The following PRSS23 variants were observed in gnomAD, a reference collection of about 807,000 sequenced individuals.
PRSS23 encodes serine protease 23.
PRSS23 carries 25 observed loss-of-function variants against 34.7 expected under a neutral mutation model. The observed-to-expected ratio is 0.72, with a 90% CI of 0.53 to 1.01. PRSS23 has a LOEUF of 1.01. Ranked by LOEUF, PRSS23 falls within the 50% of genes least tolerant of loss-of-function variation. The pLI is 0.00. For missense variants in PRSS23, 445 were observed against 475.6 expected (o/e 0.94, Z 0.60); for synonymous variants, 176 against 186.6 (o/e 0.94, Z 0.46).
At chr11:86,826,875 T>TGATAA (rs1948305681) in intron 2 of PRSS23, among the ~76,000 whole-genome samples, 1 of 152,218 alleles carries the variant, frequency 6.6e-6, no homozygotes, top group Admixed American at 6.5e-5. Flanking sequence ...CTTTTTGATG[T>TGATAA]GCTGCTGGAT....
At chr11:86,822,167 G>T (rs905547316) in intron 1 of PRSS23, among the ~76,000 whole-genome samples, 3 of 152,020 alleles carry the variant, frequency 2.0e-5, no homozygotes, top group South Asian at 2.1e-4. Flanking sequence ...TACTATGCAA[G>T]GCATAGTAGG....
rs1444516897 is a variant in PRSS23 at position 86,825,801 on chromosome 11, C to T, written c.206+2208C>T. ...AGATCAGATAGTTGTAGATATGCGG[C>T]GTTATTTCTGAGGGCTCTGTTCTGT... On this transcript the variant is annotated intron_variant, in intron 2 of 2. Coordinates refer to the PRSS23 transcript ENST00000533902. Among the ~76,000 whole-genome samples, 19 of 149,906 alleles carry T rather than the reference C, an allele frequency of 1.3e-4. No homozygotes were observed. In the East Asian group the frequency reaches 1.8e-3, roughly 14 times the overall value.
intron 2 of PRSS23, among the ~76,000 whole-genome samples, chr11:86,850,653 C>G (rs931410317): frequency 5.9e-5 from 9 of 152,176 alleles, no homozygotes; most frequent in African/African-American, 2.2e-4. Context: ...TCCCTTCCCC[C>G]TCCCCTGAAA....
chr11:86,817,982 C>T (rs541093324), intron 1 of PRSS23, among the ~76,000 whole-genome samples: 3 of 152,136 alleles, frequency 2.0e-5, no homozygotes, highest in South Asian at 2.1e-4. Context: ...ATAAGACTAC[C>T]GTGAGTGGAG....
intron 2 of PRSS23, among the ~76,000 whole-genome samples, chr11:86,905,910 G>A (rs1283359173): frequency 6.6e-6 from 1 of 152,230 alleles, no homozygotes; most frequent in East Asian, 1.9e-4. Context: ...AACAAATGGA[G>A]TGAACAAAGA....
At chr11:86,940,419 T>C (rs1949199921) in intron 2 of PRSS23, among the ~76,000 whole-genome samples, 1 of 152,168 alleles carries the variant, frequency 6.6e-6, no homozygotes. Context: ...TGTTGTGGCT[T>C]CTCTGAAAAT....
intron 2 of PRSS23, chr11:86,857,641 G>A: frequency 1.9e-6 from 1 of 525,274 alleles, no homozygotes; most frequent in Non-Finnish European, 3.9e-6. Flanking sequence ...TGGGCAGATG[G>A]CCACAAATCG....
intron 2 of PRSS23, among the ~76,000 whole-genome samples, chr11:86,943,875 C>G (rs907587988): frequency 6.6e-6 from 1 of 151,810 alleles, no homozygotes; most frequent in African/African-American, 2.4e-5. Flanking sequence ...TCCCAAGTAG[C>G]TGGGACTACA....
intron 2 of PRSS23, among the ~76,000 whole-genome samples, chr11:86,838,231 C>T (rs1948421670): frequency 6.6e-6 from 1 of 152,128 alleles, no homozygotes; most frequent in East Asian, 1.9e-4. Context: ...TCCATCACCA[C>T]CAAAAAGAGA....
Position 86,830,258 on chromosome 11 carries a change from A to C in PRSS23, c.206+6665A>C, listed in dbSNP as rs529634427. The stretch of plus-strand genomic sequence containing the variant: ...TTTGATCTCAGACTGCTGTGCTAGC[A>C]ATCAGCGAGACTCCATGGGCATAGG... On this transcript the variant is annotated intron_variant, in intron 2 of 2. Coordinates refer to the PRSS23 transcript ENST00000533902. Among the ~76,000 whole-genome samples, 186 of 152,300 alleles carry C rather than the reference A, an allele frequency of 1.2e-3. 1 individual carries two copies. The highest frequency in any genetic ancestry group is 4.3e-3 in the African/African-American group (177 of 41,550).
intron 2 of PRSS23, among the ~76,000 whole-genome samples, chr11:86,844,513 C>T (rs755289748): frequency 8.5e-5 from 13 of 152,120 alleles, no homozygotes; most frequent in Admixed American, 3.3e-4. Context: ...GTTCTAAGAA[C>T]ATTTTGGTTT....
At chr11:86,877,598 A>G (rs1288808826) in intron 2 of PRSS23, among the ~76,000 whole-genome samples, 2 of 152,138 alleles carry the variant, frequency 1.3e-5, no homozygotes, top group East Asian at 3.9e-4. Context: ...TGAAAAGACT[A>G]TTCTTTGCCA....
intron 2 of PRSS23, among the ~76,000 whole-genome samples, chr11:86,922,328 C>T (rs1949052087): frequency 6.6e-6 from 1 of 152,164 alleles, no homozygotes; most frequent in Non-Finnish European, 1.5e-5. Context: ...ACTTTTATTT[C>T]CTCCTCTTTA....
chr11:86,836,106 T>G (rs1273073177), intron 2 of PRSS23, among the ~76,000 whole-genome samples: 1 of 152,102 alleles, frequency 6.6e-6, no homozygotes. Flanking sequence ...CTGCTTCCTC[T>G]GGTATTTGAG....
intron 2 of PRSS23, among the ~76,000 whole-genome samples, chr11:86,876,136 T>A (rs1948722624): frequency 6.6e-6 from 1 of 152,088 alleles, no homozygotes; most frequent in African/African-American, 2.4e-5. Context: ...AGAATTAGAA[T>A]AATAAATATA....
At chr11:86,821,854 G>A (rs1948254921) in intron 1 of PRSS23, 1 of 435,220 alleles carries the variant, frequency 2.3e-6, no homozygotes, top group Non-Finnish European at 4.1e-6. Flanking sequence ...GATTTAATAA[G>A]TAAGAGTACC....
intron 2 of PRSS23, among the ~76,000 whole-genome samples, chr11:86,835,329 A>C (rs189315499): frequency 1.3e-4 from 20 of 152,348 alleles, no homozygotes; most frequent in African/African-American, 4.8e-4. Flanking sequence ...TTGCCGCTAC[A>C]TCAATTTCCT....
intron 2 of PRSS23, chr11:86,946,878 C>A (rs1035904282): frequency 6.6e-6 from 1 of 152,330 alleles, no homozygotes. Context: ...TCCTCCATCA[C>A]AGAACAAAAT....
At chr11:86,889,869 A>G (rs779208791) in intron 2 of PRSS23, among the ~76,000 whole-genome samples, 2 of 152,188 alleles carry the variant, frequency 1.3e-5, no homozygotes, top group Admixed American at 6.5e-5. Flanking sequence ...GCCTGTTAGA[A>G]TCATCTGGAG....
Sources: allele counts gnomAD v4.1 joint callset (sites outside exome capture counted in the v4.1 genomes callset), GRCh38; gene constraint gnomAD v4.1.1; transcripts MANE v1.5; gene names NCBI Gene and HGNC (gene_info 2026-07-23, HGNC 2026-07-21).